The following PFAS variants were observed in gnomAD, a reference collection of about 807,000 sequenced individuals.
PFAS encodes the protein phosphoribosylformylglycinamidine synthase.
A neutral mutation model predicts 140.6 loss-of-function variants in PFAS; 97 were observed. That is an observed-to-expected ratio of 0.69 (90% CI 0.59 to 0.82). The LOEUF is 0.82. Ranked by LOEUF, PFAS falls within the 40% of genes least tolerant of loss-of-function variation. The pLI, the probability that PFAS is intolerant of heterozygous loss-of-function variation, is 0.00. For missense variants in PFAS, 1,656 were observed against 1,780.2 expected, an observed-to-expected ratio of 0.93 and a Z score of 1.26; for synonymous variants, 679 against 718.8, an observed-to-expected ratio of 0.94 and a Z score of 0.88.
rs1485847495 is a variant in PFAS, at chr17:8,267,846, A to G, written c.3382+181A>G. Among the ~76,000 whole-genome samples the G allele has an allele frequency of 6.7e-6, 1 of 148,824 alleles. No homozygotes were observed. The highest frequency in any genetic ancestry group is 1.9e-4 in the East Asian group (1 of 5,152). On this transcript the variant is annotated intron_variant, in intron 26 of 27. Coordinates refer to ENST00000314666, the MANE Select transcript of PFAS (RefSeq NM_012393.3). The surrounding 1 kb of genome is among the most constrained non-coding windows in gnomAD (Gnocchi z 4.9). ...AGTAAATTTTTAATTTTTTCATTGA[A>G]AAAAAGTATATATATACACATATGT...
rs748225485 is a variant in PFAS, at chr17:8,258,112, C to G, written c.1249C>G (p.Arg417Gly). ...SLGLQLPDGQ[R>G]REWIKPIMFS... ...GGGCCTCCAGCTCCCAGACGGCCAG[C>G]GGCGTGAGTGGATCAAGCCCATCAT... Residue 417 changes from arginine (R) to glycine (G), a missense_variant, in exon 11 of 28, where the codon CGG becomes GGG. Arg to Gly is a moderately radical substitution (Grantham distance 125). Transcript: ENST00000314666. 5.6e-6 allele frequency: 9 copies of G among 1,613,942 alleles called. No homozygotes were observed. Among genetic ancestry groups the G allele is most frequent in the Non-Finnish European group, 6.8e-6 (8 of 1,180,006 alleles).
intron 9 of PFAS, 140 bp downstream of exon 9, chr17:8,257,103 C>T (rs918228900): frequency 1.4e-5 from 13 of 903,144 alleles, no homozygotes; most frequent in African/African-American, 3.3e-5. Context: ...GCTGGCCTTT[C>T]ACTAACTATG....
At chr17:8,260,447 G>A (rs1052458782) in intron 11 of PFAS, among the ~76,000 whole-genome samples, 1 of 152,134 alleles carries the variant, frequency 6.6e-6, no homozygotes. Context: ...ATGTTTTCAG[G>A]GGTTATCCGT....
chr17:8,259,970 G>A (rs191575055), intron 11 of PFAS, among the ~76,000 whole-genome samples: 41 of 151,972 alleles, frequency 2.7e-4, no homozygotes, highest in Admixed American at 6.6e-4. Context: ...GTGTGGTGGC[G>A]CGCACCTATA....
In PFAS at chr17:8,266,188, C is replaced by A; in HGVS notation, c.2702-46C>A. ...ACTCCGGAAGGTGGGGTGGGGCTGTCAGGTTTGGGTCCCGAGGTTGCTGAG... is the reference window on the plus strand; with the variant it reads ...ACTCCGGAAGGTGGGGTGGGGCTGTAAGGTTTGGGTCCCGAGGTTGCTGAG... On this transcript the variant is annotated intron_variant, in intron 21 of 27. Coordinates refer to ENST00000314666, the MANE Select transcript of PFAS (RefSeq NM_012393.3). The surrounding 1 kb of genome is among the most constrained non-coding windows in gnomAD (Gnocchi z 5.0). The A allele has an allele frequency of 6.2e-7, 1 of 1,608,890 alleles. No homozygotes were observed. Among genetic ancestry groups the A allele is most frequent in the South Asian group, 1.1e-5 (1 of 90,428 alleles).
rs1410160462 is a variant in PFAS, at chr17:8,265,433, C to T, written c.2426C>T (p.Ala809Val). 3 of 1,614,052 alleles carry T rather than the reference C, an allele frequency of 1.9e-6. No homozygotes were observed. Among genetic ancestry groups the T allele is most frequent in the Non-Finnish European group, 2.5e-6 (3 of 1,180,026 alleles). Residue 809 changes from alanine to valine, a missense_variant, in exon 19 of 28, where the codon GCT becomes GTT. Physicochemically the swap from Ala to Val is moderately conservative, Grantham distance 64. Around this residue, in one of 2 missense-constraint regions of PFAS, gnomAD observed 883 missense variants for 1,023.0 expected, o/e 0.86. Transcript: ENST00000314666. The part of the protein sequence containing the change: ...VDGGKDSLSM[A>V]ARVGTETVRA... ...GGTGGCAAGGACTCCCTCAGCATGG[C>T]TGCTCGGGTTGGCACTGAGACCGTG...
intron 11 of PFAS, 51 bp from the exon 12 acceptor site, chr17:8,262,869 C>T (rs1989647672): frequency 6.4e-6 from 9 of 1,414,766 alleles, no homozygotes; most frequent in African/African-American, 1.4e-5. Flanking sequence ...GCTTTCGAGG[C>T]CTCTTCTCGT....
rs1442290665 is a variant in PFAS at position 8,267,997 on chromosome 17, ATATAT to A, written c.3382+336_3382+340del. On this transcript the variant is annotated intron_variant, in intron 26 of 27. Transcript: ENST00000314666. This position sits in a 1 kb window ranked among gnomAD's most constrained non-coding sequence, Gnocchi z 4.9. ...TATATATTATTTATATATTATTAAA[ATATAT>A]TATTTATATATATTATTTATATATT... is the stretch of plus-strand genomic sequence containing the variant. 2.1e-5 allele frequency among the ~76,000 whole-genome samples: 3 copies of A among 141,530 alleles called. No homozygotes were observed. The highest frequency in any genetic ancestry group is 2.0e-4 in the East Asian group (1 of 5,000). 92.8% of individuals were successfully genotyped at this position (141,530 alleles called of 152,430 possible). A position where few individuals can be genotyped will look rare whatever the true frequency, so the allele number is the denominator to read the frequency against.
chr17:8,253,765 C>T, intron 1 of PFAS, 94 bp from the exon 2 acceptor site: 2 of 843,544 alleles, frequency 2.4e-6, no homozygotes, highest in Non-Finnish European at 1.7e-6. Flanking sequence ...TCTCCAACTC[C>T]TGACCTCAGG....
Position 8,265,613 on chromosome 17 carries a change from C to T in PFAS, c.2519C>T (p.Pro840Leu). The stretch of plus-strand genomic sequence containing the variant: ...CCAGACATCACAGCCACTGTGACCC[C>T]AGACCTCAAGCATCCTGAAGGGAGA... ...VCPDITATVTPDLKHPEGRGH... is the reference protein window; with the variant it reads ...VCPDITATVTLDLKHPEGRGH... The change falls in exon 20 of 28, where the codon CCA (proline) becomes CTA (leucine). Residue 840 changes from proline to leucine, a missense_variant. Pro to Leu is a moderately conservative substitution (Grantham distance 98). Transcript: ENST00000314666. 3 of 1,614,062 alleles carry T rather than the reference C, an allele frequency of 1.9e-6. No individual in the cohort carries two copies. The highest frequency in any genetic ancestry group is 1.7e-6 in the Non-Finnish European group (2 of 1,179,914).
rs1051602483 is a variant in PFAS, at chr17:8,269,653, A to G, written c.*389A>G. 2 of 199,984 alleles carry G rather than the reference A, an allele frequency of 1.0e-5. No individual in the cohort carries two copies. Among genetic ancestry groups the G allele is most frequent in the African/African-American group, 4.6e-5 (2 of 43,046 alleles). The allele number at this position is 199,984 out of a possible 1,614,324, so 12.4% of individuals were successfully genotyped here. A position where few individuals can be genotyped will look rare whatever the true frequency, so the allele number is the denominator to read the frequency against. On this transcript the variant is annotated 3_prime_UTR_variant, in exon 28 of 28. Transcript: ENST00000314666. ...ATGTTTTGCGCTCCCTTTTCTCATCATTGGGGTTAGCGGGTGCAGACAAAT... is the reference window on the plus strand; with the variant it reads ...ATGTTTTGCGCTCCCTTTTCTCATCGTTGGGGTTAGCGGGTGCAGACAAAT...
Position 8,269,436 on chromosome 17 carries a change from C to T in PFAS, c.*172C>T. 1.7e-6 allele frequency: 1 copy of T among 588,052 alleles called. No individual in the cohort carries two copies. 36.4% of individuals were successfully genotyped at this position (588,052 alleles called of 1,614,324 possible). A position where few individuals can be genotyped will look rare whatever the true frequency, so the allele number is the denominator to read the frequency against. ...GATAATCTGCCTGCTGATGTTCCTT[C>T]TGTGGCTGTGTCTATTTTCAGTTCT... is the stretch of plus-strand genomic sequence containing the variant. On this transcript the variant is annotated 3_prime_UTR_variant, in exon 28 of 28. Transcript: ENST00000314666.
rs139148307 is a variant in PFAS, at chr17:8,255,665, C to T, written c.548C>T (p.Ala183Val). ...AATATACTGGGTGAGGGCCGGCTTGCGCTGGAGAAGGCCAACCAGGAGCTT... is the reference window on the plus strand; with the variant it reads ...AATATACTGGGTGAGGGCCGGCTTGTGCTGGAGAAGGCCAACCAGGAGCTT... ...PINILGEGRLALEKANQELGL... is the reference protein window; with the variant it reads ...PINILGEGRLVLEKANQELGL... Residue 183 changes from alanine (A) to valine (V), a missense_variant, in exon 5 of 28, where the codon GCG becomes GTG. Around this residue, in one of 2 missense-constraint regions of PFAS, gnomAD observed 773 missense variants for 757.3 expected, o/e 1.02. Transcript: ENST00000314666. The T allele has an allele frequency of 7.5e-4, 1,185 of 1,583,084 alleles. No homozygotes were observed. Among genetic ancestry groups the T allele is most frequent in the Admixed American group, 2.2e-3 (123 of 54,816 alleles).
In PFAS at chr17:8,269,361, A is replaced by G; in HGVS notation, c.*97A>G. On this transcript the variant is annotated 3_prime_UTR_variant, in exon 28 of 28. Coordinates refer to ENST00000314666, the MANE Select transcript of PFAS (RefSeq NM_012393.3). ...TCAGGAGCACCCCATATTATTTCCA[A>G]AAATATCTTGGACAGACAAGGACCA... is the stretch of plus-strand genomic sequence containing the variant. 3.5e-6 allele frequency: 3 copies of G among 864,958 alleles called. No homozygotes were observed. The highest frequency in any genetic ancestry group is 5.4e-6 in the Non-Finnish European group (3 of 560,744). The allele number at this position is 864,958 out of a possible 1,614,324, so 53.6% of individuals were successfully genotyped here.
At chr17:8,251,668 C>CTTTT (rs71159571) in intron 1 of PFAS, among the ~76,000 whole-genome samples, 6 of 84,332 alleles carry the variant, frequency 7.1e-5, no homozygotes, top group African/African-American at 1.2e-4. Context: ...TTAAGCAATT[C>CTTTT]TTTTTTTTTT....
chr17:8,255,769 G>A, intron 5 of PFAS, 36 bp from the exon 6 acceptor site: 1 of 1,604,978 alleles, frequency 6.2e-7, no homozygotes, highest in Non-Finnish European at 8.5e-7. Flanking sequence ...GGCTGCCTGA[G>A]TTCCATAGTC....
rs1989714482 is a variant in PFAS, at chr17:8,264,212, A to T, written c.1792A>T (p.Ile598Leu). The T allele has an allele frequency of 6.2e-7, 1 of 1,613,854 alleles. No homozygotes were observed. The highest frequency in any genetic ancestry group is 2.2e-5 in the East Asian group (1 of 44,872). Reference protein sequence around the residue: ...FVGTITGDRRIVLVDDRECPV... With the variant: ...FVGTITGDRRLVLVDDRECPV... ...TGGGTGGGGTCCCTGTGGTCTATAG[A>T]TAGTGCTGGTGGACGATCGGGAGTG... The change falls in exon 16 of 28, where the codon ATA (isoleucine) becomes TTA (leucine). Residue 598 changes from isoleucine to leucine, a missense_variant and splice_region_variant. By Grantham distance (5) the Ile-to-Leu change is conservative. Around this residue, in one of 2 missense-constraint regions of PFAS, gnomAD observed 883 missense variants for 1,023.0 expected, o/e 0.86. Transcript: ENST00000314666.
upstream of PFAS, among the ~76,000 whole-genome samples, chr17:8,248,707 A>G (rs1263531820): frequency 6.6e-6 from 1 of 151,682 alleles, no homozygotes; most frequent in Non-Finnish European, 1.5e-5. Context: ...GCAGGCTTGC[A>G]CCGCCACACC....
Position 8,265,968 on chromosome 17 carries a change from T to C in PFAS, c.2652T>C (p.Leu884=). 1 of 1,613,582 alleles carries C rather than the reference T, an allele frequency of 6.2e-7. No homozygotes were observed. The highest frequency in any genetic ancestry group is 8.5e-7 in the Non-Finnish European group (1 of 1,179,696). Residue 884 remains leucine (L), a synonymous_variant, in exon 21 of 28, where the codon CTT becomes CTC. Transcript: ENST00000314666. ...GGGAACACCCTCCAGACCTGGACCTTCCTGAGAACTTGGTGCGGGCCTTCA... is the reference window on the plus strand; with the variant it reads ...GGGAACACCCTCCAGACCTGGACCTCCCTGAGAACTTGGTGCGGGCCTTCA... ...QLGEHPPDLD[L]PENLVRAFSI... is the part of the protein sequence containing the mutation.
Sources: allele counts gnomAD v4.1 joint callset (sites outside exome capture counted in the v4.1 genomes callset), GRCh38; gene constraint gnomAD v4.1.1; regional missense constraint gnomAD v4.1.1; non-coding constraint Gnocchi (gnomAD v3.1); transcripts MANE v1.5; gene names NCBI Gene and HGNC (gene_info 2026-07-23, HGNC 2026-07-21).